The following TAF1A variants were observed in gnomAD, a reference collection of about 807,000 sequenced individuals.
TAF1A encodes the protein TATA-box binding protein associated factor, RNA polymerase I subunit A.
Under a neutral mutation model 61.6 loss-of-function variants are expected in TAF1A, and 42 were observed. The observed-to-expected ratio is 0.68, with a 90% CI of 0.53 to 0.88. The LOEUF is 0.88. Ranked by LOEUF, TAF1A falls within the 40% of genes least tolerant of loss-of-function variation. The pLI is 0.00. For synonymous variants in TAF1A, 179 were observed against 177.7 expected (o/e 1.01, Z -0.06); for missense variants, 424 against 518.7 (o/e 0.82, Z 1.77).
chr1:222,560,715 T>G (rs1295053697), intron 10 of TAF1A, among the ~76,000 whole-genome samples: 1 of 152,238 alleles, frequency 6.6e-6, no homozygotes, highest in Non-Finnish European at 1.5e-5. Context: ...TTAAGCTCCC[T>G]AGCAATGGAC....
intron 2 of TAF1A, 56 bp from the exon 3 acceptor site, chr1:222,584,353 C>A: frequency 1.3e-6 from 2 of 1,499,668 alleles, no homozygotes; most frequent in South Asian, 2.6e-5. Flanking sequence ...TTCAACTATT[C>A]AAAAAACTTA....
rs113608388 is a variant in TAF1A at position 222,569,464 on chromosome 1, T to C, written c.894+46A>G. 6.2e-6 allele frequency: 10 copies of C among 1,613,340 alleles called. No individual in the cohort carries two copies. The African/African-American group carries it at 6.7e-5, about 11-fold the overall frequency. ...AAGCAATGGCCTAAGAATGTTTTAATGTAGATTCCCAACCCTGGTCAAACA... is the reference window on the plus strand; with the variant it reads ...AAGCAATGGCCTAAGAATGTTTTAACGTAGATTCCCAACCCTGGTCAAACA... On this transcript the variant is annotated intron_variant, in intron 7 of 10. Coordinates refer to ENST00000352967, the MANE Select transcript of TAF1A (RefSeq NM_005681.4).
chr1:222,573,919 G>A (rs1660461265), intron 5 of TAF1A, among the ~76,000 whole-genome samples: 1 of 151,722 alleles, frequency 6.6e-6, no homozygotes, highest in Non-Finnish European at 1.5e-5. Flanking sequence ...TTCAGTAATA[G>A]AAATGAAGTA....
At chr1:222,586,153 A>T (rs983787886) in intron 2 of TAF1A, among the ~76,000 whole-genome samples, 10 of 152,188 alleles carry the variant, frequency 6.6e-5, no homozygotes, top group Admixed American at 3.9e-4. Flanking sequence ...CAGCAGAAGT[A>T]TCACCTGGAA....
At chr1:222,566,650 C>G (rs1225716158) in intron 7 of TAF1A, among the ~76,000 whole-genome samples, 3 of 152,114 alleles carry the variant, frequency 2.0e-5, no homozygotes, top group Non-Finnish European at 4.4e-5. Flanking sequence ...TCTAATGCCA[C>G]CGCTGATCTG....
chr1:222,576,864 AACTCCAGCCAG>A (rs1484626535), intron 5 of TAF1A, among the ~76,000 whole-genome samples: 8 of 152,202 alleles, frequency 5.3e-5, no homozygotes, highest in African/African-American at 1.9e-4. Flanking sequence ...TTCTTGACCA[AACTCCAGCCAG>A]GCTCCTCTGA....
chr1:222,554,382 G>T (rs114609757), downstream of TAF1A, among the ~76,000 whole-genome samples: 1 of 152,176 alleles, frequency 6.6e-6, no homozygotes, highest in Non-Finnish European at 1.5e-5. Context: ...GGACTGAGTC[G>T]ACTCTTACCT....
At chr1:222,563,744 T>C (rs569182556) in intron 8 of TAF1A, among the ~76,000 whole-genome samples, 1 of 152,368 alleles carries the variant, frequency 6.6e-6, no homozygotes, top group South Asian at 2.1e-4. Flanking sequence ...GAGTGAATTA[T>C]ATAAAATCGA....
rs369299238 is a variant in TAF1A, at chr1:222,558,695, C to T, written c.1318G>A (p.Val440Met). 2 of 1,572,764 alleles carry T rather than the reference C, an allele frequency of 1.3e-6. No individual in the cohort carries two copies. The highest frequency in any genetic ancestry group is 2.4e-5 in the South Asian group (2 of 83,730). Residue 440 changes from valine (V) to methionine (M), a missense_variant, in exon 11 of 11, where the codon GTG (valine) becomes ATG (methionine). Transcript: ENST00000352967. ...GKKIKRMKRS[V>M]KKYSIVNPRL The stretch of plus-strand genomic sequence containing the variant: ...GGATTTACAATACTGTATTTTTTCA[C>T]AGATCTCTTCATCCGCTTAATTTTC...
At chr1:222,579,903 A>G (rs1329762311) in intron 3 of TAF1A, 31 bp from the exon 4 acceptor site, 1 of 1,583,372 alleles carries the variant, frequency 6.3e-7, no homozygotes, top group Admixed American at 2.0e-5. Context: ...GCCAAAATGT[A>G]AAATTTTTGC....
At chr1:222,563,460 T>C (rs886812724) in intron 8 of TAF1A, among the ~76,000 whole-genome samples, 164 bp from the exon 9 acceptor site, 17 of 152,220 alleles carry the variant, frequency 1.1e-4, no homozygotes, top group African/African-American at 4.1e-4. Context: ...AAATTCATTA[T>C]GCTCTTACTC....
chr1:222,576,472 A>C (rs1449321326), intron 5 of TAF1A, among the ~76,000 whole-genome samples: 1 of 152,258 alleles, frequency 6.6e-6, no homozygotes, highest in Non-Finnish European at 1.5e-5. Flanking sequence ...CATAGAGATT[A>C]GGTTAATCTC....
downstream of TAF1A, among the ~76,000 whole-genome samples, chr1:222,556,668 TTACTGAACA>T (rs564661869): frequency 5.1e-3 from 780 of 152,362 alleles, 8 homozygotes; most frequent in African/African-American, 0.018. Flanking sequence ...TGCACTACTC[TTACTGAACA>T]TTTGATAAGA....
rs112352152 is a variant in TAF1A at position 222,576,520 on chromosome 1, C to T, written c.604+925G>A. 3.8e-3 allele frequency among the ~76,000 whole-genome samples: 572 copies of T among 152,122 alleles called. 3 individuals are homozygous for T. Among genetic ancestry groups the T allele is most frequent in the African/African-American group, 0.013 (543 of 41,480 alleles). On this transcript the variant is annotated intron_variant, in intron 5 of 10. Transcript: ENST00000352967. ...CTACGGAGAAACTATACAAGGCAAG[C>T]GAATTGCAAAGAATCATACAGTTCC... is the stretch of plus-strand genomic sequence containing the variant.
chr1:222,583,038 A>G (rs1355354472), intron 3 of TAF1A, among the ~76,000 whole-genome samples: 4 of 152,102 alleles, frequency 2.6e-5, no homozygotes, highest in Non-Finnish European at 5.9e-5. Flanking sequence ...ACAAAAAACT[A>G]GATAGGTGTG....
In TAF1A at chr1:222,563,163, T is replaced by A; in HGVS notation, c.1085+10A>T. The A allele has an allele frequency of 6.3e-7, 1 of 1,599,364 alleles. No individual in the cohort carries two copies. The highest frequency in any genetic ancestry group is 8.6e-7 in the Non-Finnish European group (1 of 1,169,566). On this transcript the variant is annotated intron_variant, in intron 9 of 10. Coordinates refer to ENST00000352967, the MANE Select transcript of TAF1A (RefSeq NM_005681.4). Reference sequence around the variant, plus strand: ...TGATGACCTAGTAATAAACACTGTATGTTTCTTACCCCATTAAGATATTTT... The same window carrying A: ...TGATGACCTAGTAATAAACACTGTAAGTTTCTTACCCCATTAAGATATTTT...
intron 5 of TAF1A, among the ~76,000 whole-genome samples, chr1:222,574,083 A>G (rs1030242696): frequency 6.6e-6 from 1 of 152,178 alleles, no homozygotes; most frequent in Non-Finnish European, 1.5e-5. Context: ...AGAGGCAGAA[A>G]GCAGATTAGT....
chr1:222,584,078 A>C, intron 3 of TAF1A, 50 bp downstream of exon 3: 1 of 1,584,310 alleles, frequency 6.3e-7, no homozygotes, highest in Non-Finnish European at 8.5e-7. Context: ...CTGTAGGCAT[A>C]AACTTCTGGG....
rs1660722650 is a variant in TAF1A, at chr1:222,579,957, A to AT, written c.292-86dup. Reference sequence around the variant, plus strand: ...AAGATATTGTTTTCCTGATTACAACATTAATAACCTGTGATTCCTTTTCCA... The same window carrying AT: ...AAGATATTGTTTTCCTGATTACAACATTTAATAACCTGTGATTCCTTTTCCA... On this transcript the variant is annotated intron_variant, in intron 3 of 10. Transcript: ENST00000352967. 4 of 1,471,336 alleles carry AT rather than the reference A, an allele frequency of 2.7e-6. No individual in the cohort carries two copies. The East Asian group carries it at 9.3e-5, about 34-fold the overall frequency. 91.1% of individuals were successfully genotyped at this position (1,471,336 alleles called of 1,614,324 possible). A position where few individuals can be genotyped will look rare whatever the true frequency, so the allele number is the denominator to read the frequency against.
Sources: allele counts gnomAD v4.1 joint callset (sites outside exome capture counted in the v4.1 genomes callset), GRCh38; gene constraint gnomAD v4.1.1; transcripts MANE v1.5; gene names NCBI Gene and HGNC (gene_info 2026-07-23, HGNC 2026-07-21).